The following ASCC1 variants were observed in gnomAD, a reference collection of about 807,000 sequenced individuals.
The protein encoded by ASCC1 is ASC-1 complex subunit P50.
In ASCC1, 35 loss-of-function variants were observed where a neutral mutation model predicts 46.6. The observed-to-expected ratio is 0.75, with a 90% confidence interval of 0.57 to 0.99. The LOEUF is 0.99. Among genes scored for constraint, ASCC1 ranks in the 50% least tolerant of loss-of-function variants. The pLI, the probability that ASCC1 is intolerant of heterozygous loss-of-function variation, is 0.00. For synonymous variants in ASCC1, 143 were observed against 146.6 expected, an observed-to-expected ratio of 0.98 and a Z score of 0.18; for missense variants, 376 against 428.7, an observed-to-expected ratio of 0.88 and a Z score of 1.09.
chr10:72,205,219 C>G (rs1857029760), intron 3 of ASCC1, among the ~76,000 whole-genome samples: 1 of 152,092 alleles, frequency 6.6e-6, no homozygotes, highest in Non-Finnish European at 1.5e-5. Flanking sequence ...GCCTGTAATC[C>G]CATAATTTGG....
At chr10:72,116,990 T>C (rs996924244) in intron 9 of ASCC1, among the ~76,000 whole-genome samples, 2 of 152,190 alleles carry the variant, frequency 1.3e-5, no homozygotes, top group Admixed American at 6.5e-5. Context: ...TGGAGTGCAG[T>C]GGCATGATCT....
intron 9 of ASCC1, among the ~76,000 whole-genome samples, chr10:72,099,838 A>C (rs1841530500): frequency 6.6e-6 from 1 of 152,048 alleles, no homozygotes; most frequent in Non-Finnish European, 1.5e-5. Context: ...CAAACAAATA[A>C]ACCAAAAAAA....
At chr10:72,173,647 A>G (rs887630980) in intron 5 of ASCC1, among the ~76,000 whole-genome samples, 7 of 152,226 alleles carry the variant, frequency 4.6e-5, no homozygotes, top group Non-Finnish European at 7.3e-5. Flanking sequence ...CCATCTACCA[A>G]GAGAAACTTT....
intron 5 of ASCC1, among the ~76,000 whole-genome samples, chr10:72,162,001 A>G (rs1055208442): frequency 6.6e-6 from 1 of 152,214 alleles, no homozygotes; most frequent in African/African-American, 2.4e-5. Flanking sequence ...GGATTTCACC[A>G]AATTAAAAAA....
At chr10:72,138,978 A>T (rs1158469152) in intron 7 of ASCC1, among the ~76,000 whole-genome samples, 1 of 152,188 alleles carries the variant, frequency 6.6e-6, no homozygotes, top group Admixed American at 6.5e-5. Flanking sequence ...AGTGCTCAAC[A>T]GTCTTTACAT....
chr10:72,147,509 TC>T, intron 7 of ASCC1, among the ~76,000 whole-genome samples: 2 of 152,242 alleles, frequency 1.3e-5, no homozygotes, highest in South Asian at 4.2e-4. Flanking sequence ...CACTTTGGCA[TC>T]CCAAAGTGCT....
At chr10:72,109,369 T>C (rs1012958641) in intron 9 of ASCC1, among the ~76,000 whole-genome samples, 2 of 152,132 alleles carry the variant, frequency 1.3e-5, no homozygotes, top group African/African-American at 2.4e-5. Flanking sequence ...AAGTCCCCTC[T>C]CCACTGACTG....
chr10:72,116,011 G>T (rs933857558), intron 9 of ASCC1, among the ~76,000 whole-genome samples: 1 of 152,136 alleles, frequency 6.6e-6, no homozygotes, highest in Admixed American at 6.5e-5. Flanking sequence ...TGCATCTATC[G>T]TAAACATTGC....
rs896119308 is a variant in ASCC1 at position 72,171,709 on chromosome 10, G to A, written c.490-10035C>T. On this transcript the variant is annotated intron_variant, in intron 5 of 9. Transcript: ENST00000672957. The stretch of plus-strand genomic sequence containing the variant: ...TGGGATTACATGCGTGAGCCACCGC[G>A]CCCAGCCCAACTCCCTTATAAAGAC... Among the ~76,000 whole-genome samples, 3 of 152,212 alleles carry A rather than the reference G, an allele frequency of 2.0e-5. No homozygotes were observed. The East Asian group carries it at 5.8e-4, about 29-fold the overall frequency.
intron 1 of ASCC1, among the ~76,000 whole-genome samples, chr10:72,214,026 C>A (rs1040133157): frequency 2.7e-5 from 4 of 150,790 alleles, no homozygotes; most frequent in African/African-American, 9.8e-5. Flanking sequence ...CAACAGAGCA[C>A]AACTCCGTCT....
At chr10:72,179,924 G>C (rs1589488359) in intron 5 of ASCC1, among the ~76,000 whole-genome samples, 1 of 152,218 alleles carries the variant, frequency 6.6e-6, no homozygotes, top group African/African-American at 2.4e-5. Context: ...TGTTCCAGTG[G>C]TGAAACTCAA....
At chr10:72,200,185 C>T (rs1856289047) in intron 4 of ASCC1, among the ~76,000 whole-genome samples, 1 of 151,800 alleles carries the variant, frequency 6.6e-6, no homozygotes, top group Non-Finnish European at 1.5e-5. Context: ...AATTTTACTG[C>T]AATAAAAAAT....
intron 7 of ASCC1, among the ~76,000 whole-genome samples, chr10:72,136,273 T>C (rs1411333621): frequency 3.3e-5 from 5 of 152,326 alleles, no homozygotes; most frequent in Middle Eastern, 3.4e-3. Context: ...ATCGGCACTC[T>C]GTAAAAACGC....
At chr10:72,126,202 T>C (rs1366255992) in intron 9 of ASCC1, among the ~76,000 whole-genome samples, 3 of 152,210 alleles carry the variant, frequency 2.0e-5, no homozygotes, top group Non-Finnish European at 2.9e-5. Flanking sequence ...TGATTCAGAT[T>C]CTGCTACTAA....
At chr10:72,149,127 A>C (rs529389264) in intron 7 of ASCC1, among the ~76,000 whole-genome samples, 1 of 152,030 alleles carries the variant, frequency 6.6e-6, no homozygotes, top group South Asian at 2.1e-4. Context: ...AAATAGTGTT[A>C]CTTTTCAGTT....
At chr10:72,199,219 G>C (rs1478038228) in intron 4 of ASCC1, among the ~76,000 whole-genome samples, 1 of 151,444 alleles carries the variant, frequency 6.6e-6, no homozygotes, top group Non-Finnish European at 1.5e-5. Flanking sequence ...CATCTCCCAG[G>C]TTCAAACAAT....
intron 9 of ASCC1, among the ~76,000 whole-genome samples, chr10:72,109,394 G>A (rs1026457699): frequency 6.6e-6 from 1 of 152,168 alleles, no homozygotes; most frequent in Non-Finnish European, 1.5e-5. Flanking sequence ...GGCATTCCTT[G>A]CACAGAATGG....
At chr10:72,103,080 C>T (rs950463383) in intron 9 of ASCC1, 1 of 362,120 alleles carries the variant, frequency 2.8e-6, no homozygotes, top group Non-Finnish European at 5.4e-6. Context: ...AACACATGTG[C>T]CAGGAATTAT....
At chr10:72,205,111 T>A (rs1262640708) in intron 3 of ASCC1, among the ~76,000 whole-genome samples, 2 of 152,326 alleles carry the variant, frequency 1.3e-5, no homozygotes, top group South Asian at 4.1e-4. Flanking sequence ...AGTTCAAGGC[T>A]ATGGTGAGCT....
Sources: gnomAD v4.1 joint callset for allele counts (sites outside exome capture counted in the v4.1 genomes callset) on GRCh38, gnomAD v4.1.1 for gene constraint, MANE v1.5 for transcripts, NCBI Gene and HGNC (gene_info 2026-07-23, HGNC 2026-07-21) for gene names.